Variants in DNAJC13 observed in about 807,000 individuals in gnomAD.
DNAJC13 encodes the protein DnaJ heat shock protein family (Hsp40) member C13, also known as dnaJ homolog subfamily C member 13.
In DNAJC13, 75 loss-of-function variants were observed where a neutral mutation model predicts 290.5. The ratio of observed to expected loss-of-function variants is 0.26; its 90% CI spans 0.21 to 0.31. The LOEUF is 0.31. DNAJC13 is among the 10% of genes least tolerant of loss of function. The pLI, the probability that DNAJC13 is intolerant of heterozygous loss-of-function variation, is 1.00. For missense variants in DNAJC13, 2,260 were observed against 2,674.5 expected, an observed-to-expected ratio of 0.85 and a Z score of 3.42; for synonymous variants, 862 against 892.0, an observed-to-expected ratio of 0.97 and a Z score of 0.60.
chr3:132,526,451 G>A (rs1936259357), intron 53 of DNAJC13, among the ~76,000 whole-genome samples, 170 bp downstream of exon 53: 1 of 152,142 alleles, frequency 6.6e-6, no homozygotes, highest in Non-Finnish European at 1.5e-5. Flanking sequence ...ATACAGTAGT[G>A]TGTATAATAC....
chr3:132,447,702 G>A (rs1248304184), intron 4 of DNAJC13, among the ~76,000 whole-genome samples, 196 bp from the exon 5 acceptor site: 1 of 152,042 alleles, frequency 6.6e-6, no homozygotes, highest in South Asian at 2.1e-4. Context: ...GCAGGAGAAA[G>A]CATTGTATGT....
At chr3:132,478,334 T>C (rs191877481) in intron 24 of DNAJC13, among the ~76,000 whole-genome samples, 194 bp downstream of exon 24, 34 of 152,300 alleles carry the variant, frequency 2.2e-4, no homozygotes, top group Non-Finnish European at 3.4e-4. Context: ...AATTTGTCCA[T>C]GTCACTTTAT....
rs929390929 is a variant in DNAJC13 at position 132,419,861 on chromosome 3, G to C, written c.-14+2101G>C. Among the ~76,000 whole-genome samples the C allele has an allele frequency of 8.5e-5, 13 of 152,204 alleles. No individual in the cohort carries two copies. In the South Asian group the frequency reaches 2.7e-3, roughly 32 times the overall value. On this transcript the variant is annotated intron_variant, in intron 1 of 55. Transcript: ENST00000260818. Reference sequence around the variant, plus strand: ...CTCAACTTTATTAGACCCAATAAAGGCTCCCTTTTTATAAAAAATAATTAG... The same window carrying C: ...CTCAACTTTATTAGACCCAATAAAGCCTCCCTTTTTATAAAAAATAATTAG...
intron 54 of DNAJC13, among the ~76,000 whole-genome samples, chr3:132,529,703 C>A (rs1227256237): frequency 6.7e-6 from 1 of 149,304 alleles, no homozygotes; most frequent in African/African-American, 2.5e-5. Flanking sequence ...AGGAGAATGG[C>A]GGGAACCCAG....
At chr3:132,442,794 T>G (rs576767369) in intron 2 of DNAJC13, among the ~76,000 whole-genome samples, 1 of 152,322 alleles carries the variant, frequency 6.6e-6, no homozygotes, top group East Asian at 1.9e-4. Flanking sequence ...GTTTAGTGCC[T>G]GAATAAAAAG....
In DNAJC13 at chr3:132,477,978, TAGG is replaced by T; in HGVS notation, c.2550-2_2550del. ...ATTGTGAACTTTTTTTTTTAAAATC[TAGG>T]TATGAATTTTTCAATGAGCTTTATC... On this transcript the variant is annotated splice_acceptor_variant and coding_sequence_variant, in exon 24 of 56. Transcript: ENST00000260818. LOFTEE classifies it high-confidence loss of function. 1 of 1,597,020 alleles carries T rather than the reference TAGG, an allele frequency of 6.3e-7. No individual in the cohort carries two copies. Among genetic ancestry groups the T allele is most frequent in the Non-Finnish European group, 8.5e-7 (1 of 1,175,658 alleles).
At chr3:132,498,972 T>G (rs1214975011) in intron 36 of DNAJC13, among the ~76,000 whole-genome samples, 154 bp from the exon 37 acceptor site, 1 of 152,144 alleles carries the variant, frequency 6.6e-6, no homozygotes, top group Admixed American at 6.6e-5. Flanking sequence ...CACCTTGGCC[T>G]CCCAAAGTGC....
At chr3:132,420,273 C>A (rs566202860) in intron 1 of DNAJC13, among the ~76,000 whole-genome samples, 26 of 152,222 alleles carry the variant, frequency 1.7e-4, no homozygotes, top group Non-Finnish European at 3.5e-4. Context: ...AGCAACAGAA[C>A]TTTTAAGAGG....
intron 48 of DNAJC13, among the ~76,000 whole-genome samples, chr3:132,518,290 T>C (rs1935982055): frequency 6.6e-6 from 1 of 152,264 alleles, no homozygotes; most frequent in Admixed American, 6.5e-5. Flanking sequence ...ACTTAAACTT[T>C]CTGTATAGAC....
chr3:132,422,201 T>A (rs1205074785), intron 1 of DNAJC13, among the ~76,000 whole-genome samples: 2 of 151,704 alleles, frequency 1.3e-5, no homozygotes, highest in Non-Finnish European at 2.9e-5. Context: ...AACTTTTTTT[T>A]ATTATTATTA....
chr3:132,507,752 T>G (rs751634683), intron 43 of DNAJC13, among the ~76,000 whole-genome samples: 4 of 152,158 alleles, frequency 2.6e-5, no homozygotes, highest in Non-Finnish European at 5.9e-5. Context: ...CATTCCTTGG[T>G]CTCCCTCTCC....
At chr3:132,519,147 T>G (rs955432408) in intron 48 of DNAJC13, among the ~76,000 whole-genome samples, 2 of 152,246 alleles carry the variant, frequency 1.3e-5, no homozygotes. Context: ...GGACATGTGT[T>G]TTTGTTAGGA....
chr3:132,453,203 A>T, intron 6 of DNAJC13, 95 bp from the exon 7 acceptor site: 3 of 1,126,514 alleles, frequency 2.7e-6, no homozygotes, highest in Admixed American at 5.2e-5. Flanking sequence ...TTTTCTCTAG[A>T]ATTGCTACTT....
intron 2 of DNAJC13, among the ~76,000 whole-genome samples, chr3:132,445,655 T>C (rs1933223527): frequency 1.3e-5 from 2 of 152,132 alleles, no homozygotes; most frequent in Admixed American, 1.3e-4. Context: ...GAAGGGTTGA[T>C]TTTCAAATTT....
chr3:132,511,867 G>A (rs924582749), intron 44 of DNAJC13, among the ~76,000 whole-genome samples: 1 of 151,874 alleles, frequency 6.6e-6, no homozygotes, highest in Non-Finnish European at 1.5e-5. Flanking sequence ...TAAATTACTC[G>A]ATCTTTTAAA....
intron 49 of DNAJC13, 43 bp from the exon 50 acceptor site, chr3:132,523,114 A>T (rs1369069292): frequency 6.2e-7 from 1 of 1,613,100 alleles, no homozygotes. Context: ...ATGAAAATGT[A>T]TTTGTGACTG....
At chr3:132,499,903 G>A in intron 38 of DNAJC13, 95 bp downstream of exon 38, 1 of 1,161,836 alleles carries the variant, frequency 8.6e-7, no homozygotes, top group East Asian at 2.4e-5. Context: ...TCATTAAACT[G>A]TAGGTTGCTG....
chr3:132,527,087 A>T (rs942575725), intron 53 of DNAJC13, among the ~76,000 whole-genome samples: 16 of 152,244 alleles, frequency 1.1e-4, no homozygotes, highest in Non-Finnish European at 7.3e-5. Flanking sequence ...GTAAGAGTAA[A>T]TTTTAAATGT....
chr3:132,527,805 T>C (rs1936304678), intron 53 of DNAJC13, among the ~76,000 whole-genome samples: 1 of 152,160 alleles, frequency 6.6e-6, no homozygotes, highest in Non-Finnish European at 1.5e-5. Context: ...TATGAAAAAA[T>C]ACTAATGTAT....
Sources: allele counts gnomAD v4.1 joint callset (sites outside exome capture counted in the v4.1 genomes callset), GRCh38; gene constraint gnomAD v4.1.1; transcripts MANE v1.5; gene names NCBI Gene and HGNC (gene_info 2026-07-23, HGNC 2026-07-21).